Variants in ORC5 observed in about 807,000 individuals in gnomAD.
ORC5 encodes protein phosphatase 1, regulatory subunit 117.
Under a neutral mutation model 58.8 loss-of-function variants are expected in ORC5, and 39 were observed. The observed-to-expected ratio is 0.66, with a 90% CI of 0.51 to 0.87. The LOEUF is 0.87. Among genes scored for constraint, ORC5 ranks in the 40% least tolerant of loss-of-function variants. The pLI is 0.00. For synonymous variants in ORC5, 218 were observed against 177.6 expected (o/e 1.23, Z -1.81); for missense variants, 493 against 506.3 (o/e 0.97, Z 0.25).
intron 6 of ORC5, among the ~76,000 whole-genome samples, chr7:104,187,197 T>G (rs1280450317): frequency 6.6e-6 from 1 of 152,170 alleles, no homozygotes; most frequent in African/African-American, 2.4e-5. Context: ...GTCTCTTGTG[T>G]TATCATTTCC....
intron 3 of ORC5, among the ~76,000 whole-genome samples, chr7:104,200,093 G>T (rs1041687842): frequency 1.3e-4 from 20 of 152,106 alleles, no homozygotes; most frequent in Admixed American, 1.2e-3. Flanking sequence ...ACGCTGAACT[G>T]TAAGTCAATT....
chr7:104,183,290 A>G (rs1323401603), intron 8 of ORC5, among the ~76,000 whole-genome samples: 1 of 152,136 alleles, frequency 6.6e-6, no homozygotes, highest in African/African-American at 2.4e-5. Flanking sequence ...CTTGTGGCTA[A>G]AAGAGTTCTG....
chr7:104,170,977 T>C (rs1312539577), intron 8 of ORC5, among the ~76,000 whole-genome samples: 3 of 152,220 alleles, frequency 2.0e-5, no homozygotes, highest in Non-Finnish European at 2.9e-5. Flanking sequence ...ATATTCTCAG[T>C]TGAATCTACT....
chr7:104,143,572 A>C (rs2115779620), intron 12 of ORC5, among the ~76,000 whole-genome samples: 1 of 152,312 alleles, frequency 6.6e-6, no homozygotes, highest in East Asian at 1.9e-4. Context: ...AACTTCCAAA[A>C]TATTAATAAG....
At chr7:104,200,258 C>T (rs751079948) in intron 3 of ORC5, among the ~76,000 whole-genome samples, 1 of 152,136 alleles carries the variant, frequency 6.6e-6, no homozygotes, top group Non-Finnish European at 1.5e-5. Flanking sequence ...AAATGAAGTG[C>T]TTTAGTATAG....
At chr7:104,170,384 A>T (rs906013366) in intron 8 of ORC5, among the ~76,000 whole-genome samples, 2 of 152,192 alleles carry the variant, frequency 1.3e-5, no homozygotes, top group African/African-American at 4.8e-5. Context: ...TCAGATAGAC[A>T]TTACACTGCA....
intron 11 of ORC5, among the ~76,000 whole-genome samples, chr7:104,162,295 C>A (rs1215136027): frequency 1.3e-5 from 2 of 152,218 alleles, no homozygotes; most frequent in Non-Finnish European, 2.9e-5. Flanking sequence ...ATCTCAGCCA[C>A]CCAAGTAGCT....
At chr7:104,174,749 T>C (rs929225093) in intron 8 of ORC5, among the ~76,000 whole-genome samples, 4 of 152,174 alleles carry the variant, frequency 2.6e-5, no homozygotes, top group African/African-American at 9.7e-5. Flanking sequence ...AGCTCAGGCA[T>C]GTGCAGTAAG....
rs751389140 is a variant in ORC5 at position 104,200,990 on chromosome 7, AG to A, written c.166-33del. On this transcript the variant is annotated intron_variant, in intron 2 of 13. Coordinates refer to ENST00000297431, the MANE Select transcript of ORC5 (RefSeq NM_002553.4). ...ACGAAAACCAAAACACTGTAAGTAAAGAAGAAAACACACAAACACAATAATG... is the reference window on the plus strand; with the variant it reads ...ACGAAAACCAAAACACTGTAAGTAAAAAGAAAACACACAAACACAATAATG... The A allele has an allele frequency of 6.5e-6, 10 of 1,547,962 alleles. No homozygotes were observed. In the African/African-American group the frequency reaches 1.1e-4, roughly 17 times the overall value.
intron 11 of ORC5, among the ~76,000 whole-genome samples, chr7:104,162,368 G>C (rs536641303): frequency 6.6e-6 from 1 of 152,178 alleles, no homozygotes; most frequent in East Asian, 1.9e-4. Flanking sequence ...TGCCGTGTAG[G>C]ACAGGCTAGT....
At position 104,202,429 on chromosome 7, in the gene ORC5, C is replaced by T. The variant is rs1445269409; in HGVS notation, c.166-1471G>A. 1.5e-5 allele frequency: 6 copies of T among 403,850 alleles called. 1 individual carries two copies. The highest frequency in any genetic ancestry group is 7.7e-5 in the East Asian group (1 of 12,920). The allele number at this position is 403,850 out of a possible 1,614,324, so 25.0% of individuals were successfully genotyped here. A position where few individuals can be genotyped will look rare whatever the true frequency, so the allele number is the denominator to read the frequency against. Reference sequence around the variant, plus strand: ...AACTCACTTCTCTCTCACTCCTTTACTGTCCTTTAAGAACAAAAGTCCACA... The same window carrying T: ...AACTCACTTCTCTCTCACTCCTTTATTGTCCTTTAAGAACAAAAGTCCACA... On this transcript the variant is annotated intron_variant, in intron 2 of 13. Transcript: ENST00000297431.
chr7:104,193,307 G>T (rs1025087342), intron 5 of ORC5, among the ~76,000 whole-genome samples: 10 of 152,050 alleles, frequency 6.6e-5, no homozygotes, highest in Non-Finnish European at 1.0e-4. Context: ...GACAACAGCA[G>T]TACAAATGTT....
At chr7:104,198,036 G>A (rs1394705196) in intron 3 of ORC5, among the ~76,000 whole-genome samples, 6 of 152,040 alleles carry the variant, frequency 3.9e-5, no homozygotes, top group African/African-American at 1.5e-4. Flanking sequence ...ATTATAAAAG[G>A]GACTTCTGCC....
At chr7:104,187,719 T>TA (rs145586918) in intron 6 of ORC5, 21,654 of 721,510 alleles carry the variant, frequency 0.03, 18 homozygotes, top group East Asian at 0.083. Context: ...TTCTAATTGT[T>TA]AAAAAAAAAA....
intron 12 of ORC5, among the ~76,000 whole-genome samples, chr7:104,151,924 T>G (rs1226205209): frequency 1.3e-5 from 2 of 152,154 alleles, no homozygotes; most frequent in Non-Finnish European, 2.9e-5. Context: ...GAGGGAGCAT[T>G]CAGGTTCTAA....
chr7:104,179,346 C>T (rs1799388693), intron 8 of ORC5, among the ~76,000 whole-genome samples: 1 of 152,088 alleles, frequency 6.6e-6, no homozygotes, highest in Non-Finnish European at 1.5e-5. Flanking sequence ...AAGATCTAAG[C>T]ATGTCATGGA....
At chr7:104,201,086 G>A in intron 2 of ORC5, 128 bp from the exon 3 acceptor site, 2 of 688,986 alleles carry the variant, frequency 2.9e-6, no homozygotes, top group Non-Finnish European at 5.0e-6. Flanking sequence ...TGCCCCAAGA[G>A]CCTGACAGCT....
intron 12 of ORC5, among the ~76,000 whole-genome samples, chr7:104,157,507 A>G (rs1798946100): frequency 6.6e-6 from 1 of 152,076 alleles, no homozygotes; most frequent in Non-Finnish European, 1.5e-5. Flanking sequence ...TTTGAAAAAA[A>G]TTTAACTTCA....
intron 12 of ORC5, among the ~76,000 whole-genome samples, chr7:104,140,449 C>A (rs1422719995): frequency 6.6e-6 from 1 of 152,016 alleles, no homozygotes; most frequent in Non-Finnish European, 1.5e-5. Context: ...ATTTTGATTT[C>A]TTTTTCGGCT....
Sources: gnomAD v4.1 joint callset for allele counts (sites outside exome capture counted in the v4.1 genomes callset) on GRCh38, gnomAD v4.1.1 for gene constraint, MANE v1.5 for transcripts, NCBI Gene and HGNC (gene_info 2026-07-23, HGNC 2026-07-21) for gene names.